The following EXD3 variants were observed in gnomAD, a reference collection of about 807,000 sequenced individuals.
EXD3 encodes exonuclease mut-7 homolog.
A neutral mutation model predicts 98.0 loss-of-function variants in EXD3; 92 were observed. The ratio of observed to expected loss-of-function variants is 0.94; its 90% confidence interval spans 0.79 to 1.12. EXD3 has a LOEUF of 1.12. Ranked by LOEUF, EXD3 falls within the 50% of genes most tolerant of loss-of-function variation. The pLI is 0.00. For synonymous variants in EXD3, 569 were observed against 526.0 expected (o/e 1.08, Z -1.12); for missense variants, 1,222 against 1,191.6 (o/e 1.03, Z -0.38).
chr9:137,394,570 T>C (rs1360419117), intron 2 of EXD3, among the ~76,000 whole-genome samples: 20 of 112,500 alleles, frequency 1.8e-4, no homozygotes, highest in South Asian at 3.2e-4. Context: ...ATCCCGGCCT[T>C]CCAGCCTCCG....
At chr9:137,317,938 A>T (rs1436373892) in intron 19 of EXD3, among the ~76,000 whole-genome samples, 7 of 152,106 alleles carry the variant, frequency 4.6e-5, no homozygotes, top group Non-Finnish European at 1.0e-4. Flanking sequence ...TGGGGGTGCC[A>T]AGCGTGGGAA....
chr9:137,329,483 G>A (rs1832814148), intron 17 of EXD3, among the ~76,000 whole-genome samples: 1 of 69,084 alleles, frequency 1.4e-5, no homozygotes, highest in Non-Finnish European at 2.6e-5. Flanking sequence ...GGAGCTACAC[G>A]GGACTACACG....
Position 137,393,782 on chromosome 9 carries a change from G to T in EXD3, c.55+1521C>A, listed in dbSNP as rs1837064537. On this transcript the variant is annotated intron_variant, in intron 2 of 21. Transcript: ENST00000340951. This position sits in a 1 kb window ranked among gnomAD's most constrained non-coding sequence, Gnocchi z 4.6. ...ATGGAGGGGCTGCCAGGCAGGGCAT[G>T]TGTAGGGTGGAACTGGGCAAAGGCC... Among the ~76,000 whole-genome samples, 1 of 152,192 alleles carries T rather than the reference G, an allele frequency of 6.6e-6. No individual in the cohort carries two copies. The highest frequency in any genetic ancestry group is 1.5e-5 in the Non-Finnish European group (1 of 68,000).
chr9:137,366,427 C>G lies in EXD3; in HGVS notation c.656+66G>C, dbSNP rs76548139. ...CACGCGCCTGCTGCCCCCCTACACTCCCTTCCCTAACCAGGGCTCCCAGGA... is the reference window on the plus strand; with the variant it reads ...CACGCGCCTGCTGCCCCCCTACACTGCCTTCCCTAACCAGGGCTCCCAGGA... On this transcript the variant is annotated intron_variant, in intron 7 of 21. Coordinates refer to ENST00000340951, the MANE Select transcript of EXD3 (RefSeq NM_017820.5). The G allele has an allele frequency of 3.7e-3, 5,611 of 1,529,664 alleles. 140 individuals are homozygous for G. In the African/African-American group the frequency reaches 0.051, roughly 14 times the overall value. The allele number at this position is 1,529,664 out of a possible 1,614,324, so 94.8% of individuals were successfully genotyped here. A position where few individuals can be genotyped will look rare whatever the true frequency, so the allele number is the denominator to read the frequency against.
intron 5 of EXD3, 43 bp downstream of exon 5, chr9:137,372,862 G>A (rs571860388): frequency 5.7e-5 from 91 of 1,589,510 alleles, no homozygotes; most frequent in Admixed American, 6.8e-5. Flanking sequence ...CCCACCGCCC[G>A]AGAAGCCGTT....
chr9:137,398,301 C>A (rs1837307933), intron 1 of EXD3, among the ~76,000 whole-genome samples: 1 of 152,212 alleles, frequency 6.6e-6, no homozygotes, highest in Non-Finnish European at 1.5e-5. Context: ...GTGGAGACAC[C>A]CATTCCCCAG....
At chr9:137,401,700 C>T (rs546755767) in intron 1 of EXD3, among the ~76,000 whole-genome samples, 10 of 152,254 alleles carry the variant, frequency 6.6e-5, no homozygotes, top group South Asian at 2.1e-4. Context: ...CTTTCAGCCA[C>T]GGCTGGAGTG....
chr9:137,381,499 A>G (rs1417677709), intron 3 of EXD3, among the ~76,000 whole-genome samples: 1 of 150,776 alleles, frequency 6.6e-6, no homozygotes, highest in African/African-American at 2.4e-5. Flanking sequence ...CCAATGAACC[A>G]GGGGAGCCCC....
chr9:137,387,251 G>C (rs1401593772), intron 2 of EXD3, among the ~76,000 whole-genome samples: 1 of 152,170 alleles, frequency 6.6e-6, no homozygotes. Context: ...GACCGCCTGG[G>C]TCTCCTTCCA....
In EXD3 at chr9:137,332,315, C is replaced by T. The variant is rs575948635; in HGVS notation, c.1999-8172G>A. On this transcript the variant is annotated intron_variant, in intron 17 of 21. Coordinates refer to ENST00000340951, the MANE Select transcript of EXD3 (RefSeq NM_017820.5). The stretch of plus-strand genomic sequence containing the variant: ...GGAAAAAGAACGAATCTAGGCCGGG[C>T]GCAGTGGCTCACGCCTGTAATCCCA... Among the ~76,000 whole-genome samples the T allele has an allele frequency of 3.0e-4, 46 of 152,296 alleles. 1 individual carries two copies. The highest frequency in any genetic ancestry group is 8.7e-4 in the African/African-American group (36 of 41,560).
rs1588314753 is a variant in EXD3 at position 137,349,144 on chromosome 9, A to G, written c.1796T>C (p.Leu599Pro). 1.3e-6 allele frequency: 2 copies of G among 1,598,766 alleles called. No homozygotes were observed. The highest frequency in any genetic ancestry group is 1.7e-6 in the Non-Finnish European group (2 of 1,178,418). Residue 599 changes from leucine (L) to proline (P), a missense_variant, in exon 16 of 22, where the codon CTG becomes CCG. Leu to Pro is a moderately conservative substitution (Grantham distance 98, BLOSUM62 -3). Transcript: ENST00000340951. This position sits in a 1 kb window ranked among gnomAD's most constrained non-coding sequence, Gnocchi z 7.4. Reference sequence around the variant, plus strand: ...TGCGGCCGGTGCTGACGCTTTCTGCAGGCCGGGTGGCTTCCGTGCCCCTGG... The same window carrying G: ...TGCGGCCGGTGCTGACGCTTTCTGCGGGCCGGGTGGCTTCCGTGCCCCTGG... ...ERPGARKPPG[L>P]QKASAPAAPR...
At chr9:137,359,438 T>A (rs1834944811) in intron 7 of EXD3, among the ~76,000 whole-genome samples, 1 of 82,318 alleles carries the variant, frequency 1.2e-5, no homozygotes. Flanking sequence ...CTTGGGAGGC[T>A]GAGGCAGGAG....
chr9:137,310,525 C>A (rs1224855551), intron 19 of EXD3, among the ~76,000 whole-genome samples: 1 of 152,200 alleles, frequency 6.6e-6, no homozygotes, highest in Admixed American at 6.5e-5. Context: ...CACGCCCAGC[C>A]CCTCTGGGTG....
chr9:137,383,106 A>G (rs1836401117), intron 3 of EXD3, among the ~76,000 whole-genome samples: 1 of 152,126 alleles, frequency 6.6e-6, no homozygotes, highest in South Asian at 2.1e-4. Context: ...CAGTGCCTTT[A>G]CCACCCTGGG....
chr9:137,366,612 G>T lies in EXD3; in HGVS notation c.537C>A (p.Leu179=). 9.6e-6 allele frequency: 15 copies of T among 1,558,404 alleles called. No individual in the cohort carries two copies. The highest frequency in any genetic ancestry group is 1.3e-5 in the Non-Finnish European group (15 of 1,152,012). Residue 179 remains leucine, a synonymous_variant, in exon 7 of 22, where the codon CTC becomes CTA. Transcript: ENST00000340951. ...GVEKMSIPLL[L]QDKVALVERY... ...GCTCCACGAGGGCCACCTTGTCCTG[G>T]AGGAGCAGTGGGATGCTCATCTGCA... is the stretch of plus-strand genomic sequence containing the variant.
chr9:137,355,649 A>AG (rs1156958605), intron 8 of EXD3, among the ~76,000 whole-genome samples: 79 of 124,984 alleles, frequency 6.3e-4, no homozygotes, highest in Middle Eastern at 9.3e-3. Flanking sequence ...GGAAGGAGGA[A>AG]GGAGGAAGGA....
chr9:137,377,443 T>C (rs1040911325), intron 3 of EXD3, among the ~76,000 whole-genome samples: 1 of 122,880 alleles, frequency 8.1e-6, no homozygotes, highest in African/African-American at 3.9e-5. Flanking sequence ...AGACTCTGTC[T>C]CTAAAAAAAA....
At chr9:137,383,484 T>C (rs570883009) in intron 2 of EXD3, 107 bp from the exon 3 acceptor site, 8,287 of 825,044 alleles carry the variant, frequency 0.01, 60 homozygotes, top group Non-Finnish European at 0.012. Context: ...GGGGCTCCTC[T>C]GGACCCGGGG....
chr9:137,349,672 G>T lies in EXD3; in HGVS notation c.1495-141C>A. 2 of 928,116 alleles carry T rather than the reference G, an allele frequency of 2.2e-6. No individual in the cohort carries two copies. The highest frequency in any genetic ancestry group is 2.9e-5 in the East Asian group (1 of 34,020). The allele number at this position is 928,116 out of a possible 1,614,324, so 57.5% of individuals were successfully genotyped here. ...GCGGCCCCCACAGCAGAGACGGGGAGAAGGAGCGGACACATCCGAGGAGAG... is the reference window on the plus strand; with the variant it reads ...GCGGCCCCCACAGCAGAGACGGGGATAAGGAGCGGACACATCCGAGGAGAG... On this transcript the variant is annotated intron_variant, in intron 14 of 21. Coordinates refer to ENST00000340951, the MANE Select transcript of EXD3 (RefSeq NM_017820.5). This position sits in a 1 kb window ranked among gnomAD's most constrained non-coding sequence, Gnocchi z 7.4.
Sources: allele counts gnomAD v4.1 joint callset (sites outside exome capture counted in the v4.1 genomes callset), GRCh38; gene constraint gnomAD v4.1.1; non-coding constraint Gnocchi (gnomAD v3.1); transcripts MANE v1.5; gene names NCBI Gene and HGNC (gene_info 2026-07-23, HGNC 2026-07-21).